RSRC1: variants seen among roughly 807,000 people sequenced by gnomAD.
The protein encoded by RSRC1 is arginine and serine rich coiled-coil 1.
In RSRC1, 39 loss-of-function variants were observed where a neutral mutation model predicts 49.1. The observed-to-expected ratio is 0.79, with a 90% CI of 0.61 to 1.04. The LOEUF is 1.04. Ranked by LOEUF, RSRC1 falls within the 50% of genes least tolerant of loss-of-function variation. The probability of loss-of-function intolerance (pLI) is 0.00; values close to 1 mark genes in which losing one functional copy is unlikely to be tolerated. For synonymous variants in RSRC1, 143 were observed against 130.8 expected, an observed-to-expected ratio of 1.09 and a Z score of -0.63; for missense variants, 388 against 402.4, an observed-to-expected ratio of 0.96 and a Z score of 0.31.
chr3:158,409,028 G>T (rs535938689), intron 6 of RSRC1, among the ~76,000 whole-genome samples: 1 of 151,748 alleles, frequency 6.6e-6, no homozygotes, highest in African/African-American at 2.4e-5. Flanking sequence ...ACAAGATTCC[G>T]TCTGAATAAT....
chr3:158,537,297 G>A (rs1454826082), intron 8 of RSRC1, 99 bp downstream of exon 8: 5 of 662,602 alleles, frequency 7.5e-6, no homozygotes, highest in South Asian at 2.5e-5. Flanking sequence ...TCTAATAGAT[G>A]AAGTGAAGCA....
intron 7 of RSRC1, among the ~76,000 whole-genome samples, chr3:158,530,766 AC>A (rs541298132): frequency 5.1e-4 from 77 of 151,888 alleles, no homozygotes; most frequent in Non-Finnish European, 9.4e-4. Flanking sequence ...ACAGGGTTTA[AC>A]CCAGATAGCC....
At chr3:158,162,969 T>C (rs934728296) in intron 3 of RSRC1, among the ~76,000 whole-genome samples, 1 of 152,166 alleles carries the variant, frequency 6.6e-6, no homozygotes, top group Non-Finnish European at 1.5e-5. Flanking sequence ...TATTTTGTTA[T>C]CACTTGCTCT....
chr3:158,509,004 G>A (rs999326880), intron 7 of RSRC1, among the ~76,000 whole-genome samples: 3 of 152,154 alleles, frequency 2.0e-5, no homozygotes, highest in African/African-American at 7.2e-5. Context: ...TAACTTTGAT[G>A]AAGTTCAGTT....
intron 1 of RSRC1, among the ~76,000 whole-genome samples, chr3:158,116,826 A>G (rs1714860842): frequency 6.7e-6 from 1 of 150,140 alleles, no homozygotes; most frequent in South Asian, 2.1e-4. Flanking sequence ...TAGGGAAAGG[A>G]TTTTTTTTTT....
intron 6 of RSRC1, among the ~76,000 whole-genome samples, chr3:158,388,628 T>TTTTG: frequency 6.9e-6 from 1 of 145,330 alleles, no homozygotes; most frequent in African/African-American, 2.6e-5. Flanking sequence ...TTTTTTTTTT[T>TTTTG]GAGACTGAGT....
chr3:158,337,448 G>A (rs1729978945), intron 5 of RSRC1, among the ~76,000 whole-genome samples: 1 of 152,132 alleles, frequency 6.6e-6, no homozygotes, highest in African/African-American at 2.4e-5. Context: ...ATGCTGTGTG[G>A]GCGCATGGCC....
intron 4 of RSRC1, among the ~76,000 whole-genome samples, chr3:158,227,519 G>A (rs948669156): frequency 6.6e-6 from 1 of 151,856 alleles, no homozygotes; most frequent in African/African-American, 2.4e-5. Flanking sequence ...TCTTATTGAG[G>A]ATCACATGAT....
chr3:158,129,108 A>G (rs1280280794), intron 3 of RSRC1, among the ~76,000 whole-genome samples: 2 of 151,970 alleles, frequency 1.3e-5, no homozygotes, highest in African/African-American at 4.8e-5. Flanking sequence ...AACTATAAGT[A>G]TTCTGCGCAT....
At chr3:158,450,349 T>C (rs1393453497) in intron 6 of RSRC1, among the ~76,000 whole-genome samples, 3 of 150,144 alleles carry the variant, frequency 2.0e-5, no homozygotes, top group African/African-American at 4.9e-5. Flanking sequence ...TTTTTTTTGC[T>C]TTTACACAGC....
intron 5 of RSRC1, among the ~76,000 whole-genome samples, chr3:158,328,243 A>G (rs1387414640): frequency 1.3e-5 from 2 of 152,076 alleles, no homozygotes; most frequent in African/African-American, 4.8e-5. Context: ...TTTAAGGTTA[A>G]TATTGTTATG....
intron 6 of RSRC1, among the ~76,000 whole-genome samples, chr3:158,411,152 C>A (rs1734444389): frequency 6.6e-6 from 1 of 152,046 alleles, no homozygotes; most frequent in African/African-American, 2.4e-5. Context: ...TATAATATTT[C>A]ATTTTATGAA....
intron 6 of RSRC1, among the ~76,000 whole-genome samples, chr3:158,456,830 T>C (rs979112618): frequency 3.3e-5 from 5 of 152,124 alleles, no homozygotes; most frequent in East Asian, 3.9e-4. Flanking sequence ...AAAGGTTACA[T>C]TGAGATCAGG....
chr3:158,251,301 G>A (rs1297086313), intron 4 of RSRC1, among the ~76,000 whole-genome samples: 1 of 151,836 alleles, frequency 6.6e-6, no homozygotes, highest in Non-Finnish European at 1.5e-5. Flanking sequence ...GGGTGTTCTG[G>A]ATCTTTTGTG....
chr3:158,231,640 T>C (rs1284803995), intron 4 of RSRC1, among the ~76,000 whole-genome samples: 4 of 152,106 alleles, frequency 2.6e-5, no homozygotes, highest in African/African-American at 9.7e-5. Context: ...GTCTCAACTT[T>C]TATGTTTTTA....
At chr3:158,196,272 G>A (rs906439492) in intron 3 of RSRC1, among the ~76,000 whole-genome samples, 5 of 151,896 alleles carry the variant, frequency 3.3e-5, no homozygotes, top group Admixed American at 6.6e-5. Flanking sequence ...ATTGTGAATG[G>A]GAGTTCACTC....
intron 3 of RSRC1, among the ~76,000 whole-genome samples, chr3:158,129,438 C>T (rs1352285136): frequency 6.6e-6 from 1 of 151,610 alleles, no homozygotes; most frequent in East Asian, 1.9e-4. Context: ...TTACAGGTGC[C>T]CACCACCACG....
intron 4 of RSRC1, among the ~76,000 whole-genome samples, chr3:158,262,064 G>C (rs1228056346): frequency 6.6e-6 from 1 of 152,122 alleles, no homozygotes; most frequent in African/African-American, 2.4e-5. Context: ...GTTGGGAACT[G>C]TTGCTTTAAC....
chr3:158,403,049 C>A (rs142747680), intron 6 of RSRC1, among the ~76,000 whole-genome samples: 2 of 151,898 alleles, frequency 1.3e-5, no homozygotes, highest in East Asian at 3.9e-4. Context: ...TTGAATAAAA[C>A]CCTCAGTTAC....
Sources: allele counts gnomAD v4.1 joint callset (sites outside exome capture counted in the v4.1 genomes callset), GRCh38; gene constraint gnomAD v4.1.1; transcripts MANE v1.5; gene names NCBI Gene and HGNC (gene_info 2026-07-23, HGNC 2026-07-21).